SGK3: variants seen among roughly 807,000 people sequenced by gnomAD.
SGK3 encodes serine/threonine-protein kinase Sgk3.
Under a neutral mutation model 68.5 loss-of-function variants are expected in SGK3, and 47 were observed. That is an observed-to-expected ratio of 0.69 (90% CI 0.54 to 0.87). SGK3 has a LOEUF of 0.87. Ranked by LOEUF, SGK3 falls within the 40% of genes least tolerant of loss-of-function variation. The probability of loss-of-function intolerance (pLI) is 0.00; values close to 1 mark genes in which losing one functional copy is unlikely to be tolerated. For missense variants in SGK3, 479 were observed against 575.5 expected (o/e 0.83, Z 1.72); for synonymous variants, 181 against 189.1 (o/e 0.96, Z 0.35).
At chr8:66,814,993 A>G (rs936819359) in intron 5 of SGK3, among the ~76,000 whole-genome samples, 4 of 152,228 alleles carry the variant, frequency 2.6e-5, no homozygotes, top group Admixed American at 6.5e-5. Context: ...CAGCTCACCT[A>G]TCTCTGTAAA....
intron 1 of SGK3, among the ~76,000 whole-genome samples, chr8:66,724,217 C>T (rs1454003076): frequency 3.3e-5 from 5 of 152,256 alleles, no homozygotes; most frequent in Non-Finnish European, 5.9e-5. Context: ...TGGCCTCAAG[C>T]TATCCTCCTG....
chr8:66,802,393 A>G (rs1168823775), intron 3 of SGK3, among the ~76,000 whole-genome samples: 1 of 152,144 alleles, frequency 6.6e-6, no homozygotes, highest in Non-Finnish European at 1.5e-5. Context: ...TTATTATAGA[A>G]ATTGTCAAAC....
chr8:66,776,020 CTT>C (rs1806694930), intron 1 of SGK3, among the ~76,000 whole-genome samples: 1 of 152,168 alleles, frequency 6.6e-6, no homozygotes, highest in Non-Finnish European at 1.5e-5. Flanking sequence ...CCACAATAAA[CTT>C]TGGCTGTTTT....
chr8:66,717,233 A>C (rs1230348902), intron 1 of SGK3, among the ~76,000 whole-genome samples: 6 of 116,242 alleles, frequency 5.2e-5, no homozygotes, highest in Admixed American at 4.9e-4. Flanking sequence ...AAAAACAAAA[A>C]AAACAAAAAA....
At chr8:66,781,567 C>T (rs1425919767) in intron 1 of SGK3, among the ~76,000 whole-genome samples, 5 of 152,186 alleles carry the variant, frequency 3.3e-5, no homozygotes, top group Non-Finnish European at 7.3e-5. Context: ...TCAGTGGTTA[C>T]TTCCACTTCC....
intron 2 of SGK3, 122 bp downstream of exon 2, chr8:66,793,954 C>T (rs923558831): frequency 1.9e-6 from 2 of 1,030,068 alleles, no homozygotes; most frequent in African/African-American, 3.2e-5. Flanking sequence ...GATTTTACTT[C>T]TTTCACATGA....
At chr8:66,741,670 C>T (rs952117918) in intron 1 of SGK3, among the ~76,000 whole-genome samples, 1 of 151,982 alleles carries the variant, frequency 6.6e-6, no homozygotes, top group Non-Finnish European at 1.5e-5. Context: ...AGTTTGAGAC[C>T]AGCCTGGACA....
chr8:66,796,321 A>ATTT (rs71249408), intron 2 of SGK3, among the ~76,000 whole-genome samples: 1,165 of 41,338 alleles, frequency 0.028, 281 homozygotes, highest in East Asian at 0.04. Flanking sequence ...TATTTTTTGT[A>ATTT]TTTTTTTTTT....
At chr8:66,780,115 A>G (rs1395951745) in intron 1 of SGK3, among the ~76,000 whole-genome samples, 1 of 152,160 alleles carries the variant, frequency 6.6e-6, no homozygotes, top group Non-Finnish European at 1.5e-5. Context: ...GTAAATCTAT[A>G]TTTTTAGGGA....
At chr8:66,743,340 T>A (rs1404715429) in intron 1 of SGK3, among the ~76,000 whole-genome samples, 3 of 152,264 alleles carry the variant, frequency 2.0e-5, no homozygotes, top group Non-Finnish European at 4.4e-5. Flanking sequence ...TATTTCATAC[T>A]GTGGGTCTTG....
chr8:66,719,142 A>G (rs1804726506), intron 1 of SGK3, among the ~76,000 whole-genome samples: 2 of 152,110 alleles, frequency 1.3e-5, no homozygotes, highest in Admixed American at 1.3e-4. Context: ...ATAAAAAAAT[A>G]CATCCTCTCC....
intron 5 of SGK3, among the ~76,000 whole-genome samples, chr8:66,818,050 T>A (rs1808665353): frequency 6.6e-6 from 1 of 152,072 alleles, no homozygotes; most frequent in African/African-American, 2.4e-5. Context: ...GCCCAGGAGA[T>A]CCAGGCTACA....
chr8:66,759,221 G>GTA (rs1563612981), intron 1 of SGK3, among the ~76,000 whole-genome samples: 8 of 151,716 alleles, frequency 5.3e-5, no homozygotes, highest in African/African-American at 1.9e-4. Flanking sequence ...AAGTAGCTGG[G>GTA]ACTACAGGTG....
intron 4 of SGK3, among the ~76,000 whole-genome samples, chr8:66,813,129 T>C (rs1459849542): frequency 2.6e-5 from 4 of 151,926 alleles, no homozygotes; most frequent in Non-Finnish European, 5.9e-5. Context: ...TGGTGTATGC[T>C]TATAGTCCTG....
chr8:66,722,182 G>A (rs905009953), intron 1 of SGK3, among the ~76,000 whole-genome samples: 1 of 152,162 alleles, frequency 6.6e-6, no homozygotes, highest in African/African-American at 2.4e-5. Flanking sequence ...GAAGCTCTGC[G>A]CCGAGACAAT....
intron 1 of SGK3, among the ~76,000 whole-genome samples, chr8:66,717,843 A>T (rs1350075973): frequency 6.6e-6 from 1 of 151,732 alleles, no homozygotes; most frequent in East Asian, 1.9e-4. Flanking sequence ...AGCTGGGTCT[A>T]CAGTTGTGCA....
intron 1 of SGK3, among the ~76,000 whole-genome samples, chr8:66,717,483 G>A (rs975801092): frequency 3.3e-5 from 5 of 151,986 alleles, no homozygotes; most frequent in Non-Finnish European, 5.9e-5. Flanking sequence ...GAGCGAGATC[G>A]CACCACTGTG....
chr8:66,776,498 AG>A (rs1360073101), intron 1 of SGK3, among the ~76,000 whole-genome samples: 1 of 152,254 alleles, frequency 6.6e-6, no homozygotes, highest in African/African-American at 2.4e-5. Flanking sequence ...AGCTTGCTGC[AG>A]GGAATCTCAG....
At chr8:66,773,003 T>A (rs572167886) in intron 1 of SGK3, among the ~76,000 whole-genome samples, 86 of 152,304 alleles carry the variant, frequency 5.6e-4, no homozygotes, top group African/African-American at 2.0e-3. Context: ...CTAAGTATTA[T>A]AGCATTTTAT....
Sources: allele counts gnomAD v4.1 joint callset (sites outside exome capture counted in the v4.1 genomes callset), GRCh38; gene constraint gnomAD v4.1.1; transcripts MANE v1.5; gene names NCBI Gene and HGNC (gene_info 2026-07-23, HGNC 2026-07-21).